Variants in SLC66A2 observed in about 807,000 individuals in gnomAD.
SLC66A2 encodes PQ loop repeat containing 1.
A neutral mutation model predicts 25.5 loss-of-function variants in SLC66A2; 23 were observed. The observed-to-expected ratio is 0.90, with a 90% CI of 0.65 to 1.28. The LOEUF is 1.28. Ranked by LOEUF, SLC66A2 falls within the 50% of genes most tolerant of loss-of-function variation. SLC66A2 has a pLI of 0.00. For synonymous variants in SLC66A2, 193 were observed against 166.5 expected (o/e 1.16, Z -1.23); for missense variants, 396 against 373.1 (o/e 1.06, Z -0.51).
intron 4 of SLC66A2, 109 bp from the exon 5 acceptor site, chr18:79,919,509 G>T: frequency 1.4e-6 from 1 of 691,394 alleles, no homozygotes; most frequent in Non-Finnish European, 2.5e-6. Flanking sequence ...AGTGGGGAGA[G>T]ACAGGAACCG....
intron 4 of SLC66A2, among the ~76,000 whole-genome samples, chr18:79,926,519 C>T (rs551263220): frequency 6.6e-6 from 1 of 152,252 alleles, no homozygotes; most frequent in East Asian, 1.9e-4. Context: ...ACAGATCGCA[C>T]ACTCGATGGG....
At position 79,933,838 on chromosome 18, in the gene SLC66A2, G is replaced by C; in HGVS notation, c.391+131C>G. ...AGAGCTAGGAGTTGATTAGTTTGCT[G>C]TAGACTCGGCCACGCTTGGTAAAGA... On this transcript the variant is annotated intron_variant, in intron 4 of 5. Transcript: ENST00000397778. 6.7e-6 allele frequency: 5 copies of C among 745,990 alleles called. No individual in the cohort carries two copies. The South Asian group carries it at 8.2e-5, about 12-fold the overall frequency. The allele number at this position is 745,990 out of a possible 1,614,324, so 46.2% of individuals were successfully genotyped here. A position where few individuals can be genotyped will look rare whatever the true frequency, so the allele number is the denominator to read the frequency against.
chr18:79,914,368 CAG>C (rs1423456865), intron 5 of SLC66A2, among the ~76,000 whole-genome samples: 5 of 152,220 alleles, frequency 3.3e-5, no homozygotes, highest in Non-Finnish European at 4.4e-5. Flanking sequence ...CAACTCCTGA[CAG>C]GGCTGGGGAT....
chr18:79,943,719 G>GC, intron 2 of SLC66A2: 1 of 434,666 alleles, frequency 2.3e-6, no homozygotes, highest in Non-Finnish European at 4.1e-6. Flanking sequence ...ACCTGCAGCA[G>GC]GAAAGATCCT....
At chr18:79,939,359 G>A (rs1005578659) in intron 3 of SLC66A2, among the ~76,000 whole-genome samples, 1 of 152,118 alleles carries the variant, frequency 6.6e-6, no homozygotes, top group Non-Finnish European at 1.5e-5. Flanking sequence ...GCTCAAGAAT[G>A]TACTTGGCAA....
chr18:79,939,560 A>C (rs1005825144), intron 3 of SLC66A2, among the ~76,000 whole-genome samples: 1 of 152,254 alleles, frequency 6.6e-6, no homozygotes, highest in Admixed American at 6.5e-5. Context: ...AACCCCATTA[A>C]AAAGTGGGCA....
intron 4 of SLC66A2, chr18:79,930,240 A>G (rs1986428760): frequency 1.3e-5 from 2 of 152,230 alleles, no homozygotes; most frequent in African/African-American, 2.4e-5. Context: ...GGAAACCCCA[A>G]TAAGATTAAC....
chr18:79,945,477 T>G (rs2050895266), intron 2 of SLC66A2, among the ~76,000 whole-genome samples: 1 of 152,072 alleles, frequency 6.6e-6, no homozygotes, highest in Non-Finnish European at 1.5e-5. Context: ...TCCAGGAATA[T>G]CACCCAGGTC....
Position 79,918,713 on chromosome 18 carries a change from G to A in SLC66A2, c.608+471C>T, listed in dbSNP as rs1285112917. On this transcript the variant is annotated intron_variant, in intron 5 of 5. Transcript: ENST00000397778. The surrounding 1 kb of genome is among the most constrained non-coding windows in gnomAD (Gnocchi z 4.0). ...CCAGGCATGGTCTGTGGTTCCGAACGTCAGCCTGCCCAGCCTTCTACCACA... is the reference window on the plus strand; with the variant it reads ...CCAGGCATGGTCTGTGGTTCCGAACATCAGCCTGCCCAGCCTTCTACCACA... Among the ~76,000 whole-genome samples, 10 of 152,228 alleles carry A rather than the reference G, an allele frequency of 6.6e-5. No individual in the cohort carries two copies. The highest frequency in any genetic ancestry group is 1.5e-4 in the Non-Finnish European group (10 of 68,032).
At chr18:79,928,813 C>T (rs917009250) in intron 4 of SLC66A2, among the ~76,000 whole-genome samples, 4 of 152,142 alleles carry the variant, frequency 2.6e-5, no homozygotes, top group African/African-American at 9.7e-5. Flanking sequence ...TCAGCCCCCA[C>T]CCATGGCGCA....
rs1358019553 is a variant in SLC66A2, at chr18:79,904,117, A to G, written c.675T>C (p.Gly225=). ...AFKTAYFLLK[G]APLQFSVCGL... ...CGCACACGGAGAACTGCAGAGGGGC[A>G]CCCTTCAGCAGGAAGTAGGCCGTCT... is the stretch of plus-strand genomic sequence containing the variant. Residue 225 remains glycine, a synonymous_variant, in exon 6 of 6, where the codon GGT becomes GGC. Coordinates refer to ENST00000397778, the MANE Select transcript of SLC66A2 (RefSeq NM_025078.5). This position sits in a 1 kb window ranked among gnomAD's most constrained non-coding sequence, Gnocchi z 6.3. 3.7e-6 allele frequency: 6 copies of G among 1,612,788 alleles called. No homozygotes were observed. The highest frequency in any genetic ancestry group is 5.1e-6 in the Non-Finnish European group (6 of 1,179,788).
Position 79,903,957 on chromosome 18 carries a change from A to T in SLC66A2, c.*19T>A. The T allele has an allele frequency of 6.3e-7, 1 of 1,579,368 alleles. No homozygotes were observed. Among genetic ancestry groups the T allele is most frequent in the Non-Finnish European group, 8.6e-7 (1 of 1,165,414 alleles). On this transcript the variant is annotated 3_prime_UTR_variant, in exon 6 of 6. Coordinates refer to ENST00000397778, the MANE Select transcript of SLC66A2 (RefSeq NM_025078.5). ...CAGTGCCCGCGGCTGGCGGTCCCAC[A>T]TCCTCGTCCTCCCCACTGTCAGAGG...
chr18:79,950,604 G>C, intron 2 of SLC66A2, 120 bp downstream of exon 2: 1 of 912,374 alleles, frequency 1.1e-6, no homozygotes, highest in East Asian at 2.6e-5. Context: ...CCACGGCAGA[G>C]TGGGACGCTG....
rs1026618803 is a variant in SLC66A2 at position 79,937,493 on chromosome 18, G to C, written c.338-3471C>G. On this transcript the variant is annotated intron_variant, in intron 3 of 5. Transcript: ENST00000397778. This position sits in a 1 kb window ranked among gnomAD's most constrained non-coding sequence, Gnocchi z 5.4. ...GGAACCAACTTTGAAAACTGGTAAA[G>C]AGACCCGCATTTCCTTTATAAATTA... Among the ~76,000 whole-genome samples, 5 of 152,208 alleles carry C rather than the reference G, an allele frequency of 3.3e-5. No individual in the cohort carries two copies. Among genetic ancestry groups the C allele is most frequent in the African/African-American group, 1.2e-4 (5 of 41,438 alleles).
chr18:79,943,692 G>A (rs1365880584), intron 2 of SLC66A2: 14 of 493,038 alleles, frequency 2.8e-5, no homozygotes, highest in Admixed American at 1.5e-4. Flanking sequence ...CACCCATGCC[G>A]CCTCTCCTGG....
In SLC66A2 at chr18:79,926,515, C is replaced by T. The variant is rs114779275; in HGVS notation, c.392-7115G>A. Among the ~76,000 whole-genome samples, 565 of 152,206 alleles carry T rather than the reference C, an allele frequency of 3.7e-3. 6 individuals carry two copies. Among genetic ancestry groups the T allele is most frequent in the African/African-American group, 0.013 (537 of 41,544 alleles). On this transcript the variant is annotated intron_variant, in intron 4 of 5. Coordinates refer to ENST00000397778, the MANE Select transcript of SLC66A2 (RefSeq NM_025078.5). ...GCAGGCACCCTCGGGACCCACAGAT[C>T]GCACACTCGATGGGCGCTCGCAGGA...
intron 2 of SLC66A2, among the ~76,000 whole-genome samples, chr18:79,949,282 G>C (rs1163540885): frequency 6.6e-6 from 1 of 152,158 alleles, no homozygotes; most frequent in South Asian, 2.1e-4. Context: ...TCATGAACAC[G>C]GGACACCTCA....
rs563072526 is a variant in SLC66A2 at position 79,938,972 on chromosome 18, G to T, written c.337+4357C>A. Among the ~76,000 whole-genome samples the T allele has an allele frequency of 2.0e-5, 3 of 152,302 alleles. No individual in the cohort carries two copies. The South Asian group carries it at 6.2e-4, about 32-fold the overall frequency. ...ATTACAGGCATGAGCCGCTGCGACC[G>T]GCCAGAAGCTGTTTTACTTTATATT... On this transcript the variant is annotated intron_variant, in intron 3 of 5. Transcript: ENST00000397778.
At chr18:79,936,912 G>GT (rs1987150250) in intron 3 of SLC66A2, among the ~76,000 whole-genome samples, 1 of 152,196 alleles carries the variant, frequency 6.6e-6, no homozygotes, top group Admixed American at 6.5e-5. Context: ...CGCTGGCATG[G>GT]TGACCCTCAG....
Sources: allele counts gnomAD v4.1 joint callset (sites outside exome capture counted in the v4.1 genomes callset), GRCh38; gene constraint gnomAD v4.1.1; non-coding constraint Gnocchi (gnomAD v3.1); transcripts MANE v1.5; gene names NCBI Gene and HGNC (gene_info 2026-07-23, HGNC 2026-07-21).